The following TAFA2 variants were observed in gnomAD, a reference collection of about 807,000 sequenced individuals.
The protein encoded by TAFA2 is TAFA chemokine like family member 2.
In TAFA2, 7 loss-of-function variants were observed where a neutral mutation model predicts 18.8. The observed-to-expected ratio is 0.37, with a 90% CI of 0.21 to 0.70. The LOEUF (loss-of-function observed/expected upper bound fraction) is 0.70. Among genes scored for constraint, TAFA2 ranks in the 30% least tolerant of loss-of-function variants. TAFA2 has a pLI of 0.53. For synonymous variants in TAFA2, 60 were observed against 54.2 expected, an observed-to-expected ratio of 1.11 and a Z score of -0.47; for missense variants, 122 against 158.1, an observed-to-expected ratio of 0.77 and a Z score of 1.23.
At chr12:61,922,702 G>T (rs1055235837) in intron 1 of TAFA2, among the ~76,000 whole-genome samples, 1 of 152,138 alleles carries the variant, frequency 6.6e-6, no homozygotes, top group Non-Finnish European at 1.5e-5. Context: ...AGCTGCAGGA[G>T]TTTCTTTTCT....
intron 4 of TAFA2, among the ~76,000 whole-genome samples, chr12:61,718,578 G>A (rs1188644697): frequency 6.6e-6 from 1 of 152,058 alleles, no homozygotes; most frequent in African/African-American, 2.4e-5. Flanking sequence ...AAATCCTTAA[G>A]TCAGGAAAAC....
At chr12:61,949,826 T>C (rs1322909529) in intron 1 of TAFA2, among the ~76,000 whole-genome samples, 1 of 152,196 alleles carries the variant, frequency 6.6e-6, no homozygotes, top group Non-Finnish European at 1.5e-5. Context: ...TACAATTCAG[T>C]TGTGTTAAGT....
intron 4 of TAFA2, among the ~76,000 whole-genome samples, chr12:61,734,135 C>G (rs1868265918): frequency 6.6e-6 from 1 of 151,106 alleles, no homozygotes; most frequent in Admixed American, 6.6e-5. Context: ...TATCCTGAGA[C>G]TTTGCTGAAG....
At chr12:61,888,041 C>G (rs1875466032) in intron 1 of TAFA2, among the ~76,000 whole-genome samples, 1 of 151,892 alleles carries the variant, frequency 6.6e-6, no homozygotes, top group Non-Finnish European at 1.5e-5. Flanking sequence ...TACCATCTCA[C>G]ACCAGTTAGA....
chr12:61,832,086 T>C lies in TAFA2; in HGVS notation c.106+35234A>G, dbSNP rs138525864. Among the ~76,000 whole-genome samples, 1,185 of 152,192 alleles carry C rather than the reference T, an allele frequency of 7.8e-3. 8 individuals are homozygous for C. The highest frequency in any genetic ancestry group is 0.025 in the African/African-American group (1,048 of 41,534). On this transcript the variant is annotated intron_variant, in intron 2 of 4. Coordinates refer to ENST00000416284, the MANE Select transcript of TAFA2 (RefSeq NM_178539.5). ...ACGCTTGCTCTTCTTCAATGTGATC[T>C]TGCCACTCAATCAAGAGACAGACAC...
In TAFA2 at chr12:62,244,056, T is replaced by C. The variant is rs10437961; in HGVS notation, c.-130+14707A>G. ...CCTCCTGCCTTGACTTCCCAAAGTG[T>C]TGGGATTACAAGTATGAGCCACCAT... On this transcript the variant is annotated intron_variant, in intron 1 of 5. Coordinates refer to the TAFA2 transcript ENST00000551619. Among the ~76,000 whole-genome samples the C allele has an allele frequency of 8.8e-4, 133 of 151,844 alleles. 2 individuals are homozygous for C. The highest frequency in any genetic ancestry group is 3.0e-3 in the African/African-American group (124 of 41,414).
chr12:61,822,809 T>C (rs1872375053), intron 2 of TAFA2, among the ~76,000 whole-genome samples: 1 of 152,188 alleles, frequency 6.6e-6, no homozygotes, highest in African/African-American at 2.4e-5. Context: ...ATATCACATG[T>C]ATCAATATGT....
At chr12:61,801,595 T>C (rs2120973124) in intron 2 of TAFA2, among the ~76,000 whole-genome samples, 1 of 152,150 alleles carries the variant, frequency 6.6e-6, no homozygotes, top group East Asian at 1.9e-4. Flanking sequence ...TCTCACCACA[T>C]ACAAAAATCT....
intron 1 of TAFA2, among the ~76,000 whole-genome samples, chr12:61,883,072 A>G (rs748364097): frequency 2.0e-5 from 3 of 152,208 alleles, no homozygotes; most frequent in Non-Finnish European, 2.9e-5. Flanking sequence ...CACTGGCAAT[A>G]TAGCTGTGAA....
intron 1 of TAFA2, among the ~76,000 whole-genome samples, chr12:62,103,504 G>A (rs996114092): frequency 2.0e-5 from 3 of 152,108 alleles, no homozygotes; most frequent in African/African-American, 7.2e-5. Flanking sequence ...ATTACAGGGA[G>A]GCTGAGGCAG....
intron 1 of TAFA2, among the ~76,000 whole-genome samples, chr12:62,144,803 C>T (rs1420747968): frequency 6.6e-6 from 1 of 152,124 alleles, no homozygotes; most frequent in Non-Finnish European, 1.5e-5. Context: ...CACTGCCTTC[C>T]CAGGATGGAC....
chr12:61,769,795 C>T (rs1869948703), intron 2 of TAFA2, among the ~76,000 whole-genome samples: 1 of 152,066 alleles, frequency 6.6e-6, no homozygotes, highest in Non-Finnish European at 1.5e-5. Context: ...GAGAAGAAAT[C>T]AGAAAAACAG....
At chr12:61,738,553 C>T (rs572552425) in intron 4 of TAFA2, among the ~76,000 whole-genome samples, 6 of 152,100 alleles carry the variant, frequency 3.9e-5, no homozygotes, top group Non-Finnish European at 7.4e-5. Context: ...TGCTGAAAAC[C>T]CAATGTCTGA....
rs538597629 is a variant in TAFA2, at chr12:61,909,922, T to C, written c.-1-42496A>G. Among the ~76,000 whole-genome samples the C allele has an allele frequency of 2.0e-5, 3 of 152,278 alleles. No individual in the cohort carries two copies. The South Asian group carries it at 6.2e-4, about 32-fold the overall frequency. On this transcript the variant is annotated intron_variant, in intron 1 of 4. Transcript: ENST00000416284. ...ATACTGCCTTTTAAATGTGTACAGA[T>C]GGGGCATACATTTAACTAATAATTA...
chr12:61,752,669 A>G (rs1001356302), intron 4 of TAFA2, among the ~76,000 whole-genome samples: 11 of 152,048 alleles, frequency 7.2e-5, no homozygotes, highest in Non-Finnish European at 1.3e-4. Flanking sequence ...CAGTCAATGT[A>G]TTAAATATAT....
intron 4 of TAFA2, among the ~76,000 whole-genome samples, chr12:61,733,483 C>T (rs2120664946): frequency 6.6e-6 from 1 of 151,696 alleles, no homozygotes; most frequent in South Asian, 2.1e-4. Flanking sequence ...TTTCAGCTTT[C>T]TACATATGGC....
At chr12:62,112,732 T>G (rs777028091) in intron 1 of TAFA2, among the ~76,000 whole-genome samples, 17 of 152,308 alleles carry the variant, frequency 1.1e-4, no homozygotes, top group Non-Finnish European at 2.1e-4. Context: ...TTCATTAAGT[T>G]GATCTTCAAT....
At chr12:62,195,754 A>G (rs2062646160), upstream of TAFA2, among the ~76,000 whole-genome samples, 1 of 152,212 alleles carries the variant, frequency 6.6e-6, no homozygotes, top group Non-Finnish European at 1.5e-5. Context: ...TTTATAAAAC[A>G]CAAGCAGAGT....
Position 62,063,231 on chromosome 12 carries a change from G to A in TAFA2, c.-2+128028C>T, listed in dbSNP as rs540131980. On this transcript the variant is annotated intron_variant, in intron 1 of 4. Transcript: ENST00000416284. ...AGCATGAAAGTTGTCCTGGCTATTT[G>A]TAGAAGGTAAAATTGGTTATAATCT... 2.8e-4 allele frequency among the ~76,000 whole-genome samples: 42 copies of A among 152,236 alleles called. 1 individual carries two copies. The highest frequency in any genetic ancestry group is 9.9e-4 in the African/African-American group (41 of 41,546).
Sources: gnomAD v4.1 joint callset for allele counts (sites outside exome capture counted in the v4.1 genomes callset) on GRCh38, gnomAD v4.1.1 for gene constraint, MANE v1.5 for transcripts, NCBI Gene and HGNC (gene_info 2026-07-23, HGNC 2026-07-21) for gene names.